The following ITGAD variants were observed in gnomAD, a reference collection of about 807,000 sequenced individuals.
ITGAD encodes the protein integrin subunit alpha D.
In ITGAD, 105 loss-of-function variants were observed where a neutral mutation model predicts 139.0. The ratio of observed to expected loss-of-function variants is 0.76; its 90% CI spans 0.65 to 0.89. The LOEUF is 0.89. ITGAD is among the 40% of genes least tolerant of loss of function. ITGAD has a pLI of 0.00. For synonymous variants in ITGAD, 569 were observed against 598.3 expected (o/e 0.95, Z 0.71); for missense variants, 1,384 against 1,487.3 (o/e 0.93, Z 1.14).
rs758976118 is a variant in ITGAD, at chr16:31,411,268, G to A, written c.1498-40G>A. The stretch of plus-strand genomic sequence containing the variant: ...GGTGGGGTCCGGTGTGAGTGGAGGC[G>A]TCACCTGGATTGGGGTCTGACACTG... On this transcript the variant is annotated intron_variant, in intron 13 of 29. Transcript: ENST00000389202. 61 of 1,607,530 alleles carry A rather than the reference G, an allele frequency of 3.8e-5. No homozygotes were observed. In the Admixed American group the frequency reaches 5.5e-4, roughly 15 times the overall value.
rs773732427 is a variant in ITGAD at position 31,393,440 on chromosome 16, G to A, written c.31+49G>A. On this transcript the variant is annotated intron_variant, in intron 1 of 29. Transcript: ENST00000389202. ...GAGAAGCTTGGAGGAGTTCTGAGGGGACTCCATCTGGGAGGGCAGGCTGGG... is the reference window on the plus strand; with the variant it reads ...GAGAAGCTTGGAGGAGTTCTGAGGGAACTCCATCTGGGAGGGCAGGCTGGG... 18 of 1,598,324 alleles carry A rather than the reference G, an allele frequency of 1.1e-5. No individual in the cohort carries two copies. The East Asian group carries it at 4.0e-4, about 36-fold the overall frequency.
intron 14 of ITGAD, among the ~76,000 whole-genome samples, chr16:31,412,250 G>A (rs930173490): frequency 6.6e-6 from 1 of 151,966 alleles, no homozygotes; most frequent in African/African-American, 2.4e-5. Flanking sequence ...CACCATGTTG[G>A]CCAGGCTGGT....
intron 10 of ITGAD, among the ~76,000 whole-genome samples, chr16:31,409,911 C>CAA (rs11447533): frequency 0.03 from 2,720 of 89,424 alleles, 82 homozygotes; most frequent in Non-Finnish European, 0.044. Context: ...CAGCCTGTCT[C>CAA]AAAAAAAAAA....
chr16:31,396,528 C>T (rs1435319715), intron 2 of ITGAD, among the ~76,000 whole-genome samples: 1 of 152,206 alleles, frequency 6.6e-6, no homozygotes, highest in Non-Finnish European at 1.5e-5. Flanking sequence ...TTTGTATCAG[C>T]AGGTTCCAAA....
At chr16:31,397,239 G>A in intron 2 of ITGAD, 120 bp from the exon 3 acceptor site, 1 of 679,732 alleles carries the variant, frequency 1.5e-6, no homozygotes, top group Non-Finnish European at 2.6e-6. Context: ...AGTGGCAAAT[G>A]CCAGGAATTT....
chr16:31,424,441 C>T (rs372276505), intron 28 of ITGAD, 26 bp from the exon 29 acceptor site: 16 of 1,579,998 alleles, frequency 1.0e-5, no homozygotes, highest in Non-Finnish European at 1.2e-5. Context: ...GGCATGAGGC[C>T]GGATGCTCTC....
rs556302421 is a variant in ITGAD, at chr16:31,410,354, C to T, written c.1084-41C>T. The T allele has an allele frequency of 4.5e-5, 72 of 1,612,800 alleles. 1 individual carries two copies. The highest frequency in any genetic ancestry group is 5.5e-5 in the Non-Finnish European group (65 of 1,179,298). ...GTGTCTCTGGGATATGCTGTCTTCCCGCTCTAGTCTCTGCCCAGCCCTGGA... is the reference window on the plus strand; with the variant it reads ...GTGTCTCTGGGATATGCTGTCTTCCTGCTCTAGTCTCTGCCCAGCCCTGGA... On this transcript the variant is annotated intron_variant, in intron 10 of 29. Coordinates refer to ENST00000389202, the MANE Select transcript of ITGAD (RefSeq NM_005353.3).
Position 31,423,580 on chromosome 16 carries a change from T to C in ITGAD, c.2977T>C (p.Cys993Arg), listed in dbSNP as rs1385260321. The C allele has an allele frequency of 4.3e-6, 7 of 1,613,890 alleles. No homozygotes were observed. Among genetic ancestry groups the C allele is most frequent in the Non-Finnish European group, 5.9e-6 (7 of 1,179,902 alleles). ...TTCTTTCTCTTCCCAGAGTCTCCCC[T>C]GTGTTTCAGAGAGAAAACCTCCCCA... ...VMEAPSQSLPCVSERKPPQHS... is the reference protein window; with the variant it reads ...VMEAPSQSLPRVSERKPPQHS... The change falls in exon 26 of 30, where the codon TGT becomes CGT. Residue 993 changes from cysteine to arginine, a missense_variant. Coordinates refer to ENST00000389202, the MANE Select transcript of ITGAD (RefSeq NM_005353.3).
intron 29 of ITGAD, among the ~76,000 whole-genome samples, chr16:31,425,610 C>G (rs1464752052): frequency 1.3e-5 from 2 of 152,006 alleles, no homozygotes; most frequent in African/African-American, 4.8e-5. Flanking sequence ...CTCTCAGCTT[C>G]CTCTTATTCC....
rs575378018 is a variant in ITGAD, at chr16:31,400,722, A to C, written c.428-1393A>C. The stretch of plus-strand genomic sequence containing the variant: ...CAGGTTCAAGTGATTCTCCTGCCTC[A>C]GCCCCCCAAATAGCTAGGATTACAG... On this transcript the variant is annotated intron_variant, in intron 5 of 29. Transcript: ENST00000389202. Among the ~76,000 whole-genome samples, 5 of 152,172 alleles carry C rather than the reference A, an allele frequency of 3.3e-5. No homozygotes were observed. In the East Asian group the frequency reaches 9.7e-4, roughly 29 times the overall value.
At chr16:31,414,738 G>A (rs1319188494) in intron 17 of ITGAD, 122 bp from the exon 18 acceptor site, 2 of 1,549,568 alleles carry the variant, frequency 1.3e-6, no homozygotes, top group Non-Finnish European at 1.8e-6. Flanking sequence ...TAGGGCAGGA[G>A]AACCTGGCTC....
At chr16:31,394,111 A>T (rs1441713878) in intron 1 of ITGAD, 125 bp from the exon 2 acceptor site, 48 of 560,638 alleles carry the variant, frequency 8.6e-5, no homozygotes, top group Non-Finnish European at 1.3e-4. Context: ...AGCCTCAGCA[A>T]CAGAGCGAGA....
chr16:31,420,800 G>A (rs2081992809), intron 23 of ITGAD, among the ~76,000 whole-genome samples: 2 of 152,032 alleles, frequency 1.3e-5, no homozygotes, highest in African/African-American at 2.4e-5. Flanking sequence ...TCTTGAACTC[G>A]TGACCTCAGG....
intron 19 of ITGAD, 25 bp downstream of exon 19, chr16:31,416,311 C>A: frequency 6.3e-7 from 1 of 1,580,744 alleles, no homozygotes; most frequent in Non-Finnish European, 8.6e-7. Context: ...CCTTCATATC[C>A]AGACACTCAG....
intron 23 of ITGAD, among the ~76,000 whole-genome samples, chr16:31,421,053 A>G (rs767685008): frequency 6.6e-6 from 1 of 152,170 alleles, no homozygotes; most frequent in Non-Finnish European, 1.5e-5. Flanking sequence ...CTGTTGTTTT[A>G]TGGTGGTTTT....
At chr16:31,394,146 A>AG (rs1419836854) in intron 1 of ITGAD, 90 bp from the exon 2 acceptor site, 522 of 757,596 alleles carry the variant, frequency 6.9e-4, no homozygotes, top group Non-Finnish European at 9.6e-4. Context: ...AAAAAAAAAA[A>AG]AAAAGAAAAA....
At chr16:31,420,856 G>A (rs532154585) in intron 23 of ITGAD, among the ~76,000 whole-genome samples, 3 of 152,154 alleles carry the variant, frequency 2.0e-5, no homozygotes, top group Non-Finnish European at 4.4e-5. Flanking sequence ...GGGATTACAG[G>A]CATGAGCCAC....
intron 26 of ITGAD, 85 bp downstream of exon 26, chr16:31,423,733 T>A: frequency 6.6e-7 from 1 of 1,521,296 alleles, no homozygotes; most frequent in Admixed American, 1.7e-5. Context: ...CAGAGTTCCG[T>A]GCATGTCCTG....
chr16:31,414,947 C>A lies in ITGAD; in HGVS notation c.2239C>A (p.Arg747Ser). The A allele has an allele frequency of 1.2e-6, 2 of 1,614,134 alleles. No individual in the cohort carries two copies. Among genetic ancestry groups the A allele is most frequent in the South Asian group, 1.1e-5 (1 of 91,074 alleles). ...REPIPSPQNL[R>S]PVLAVGSQDL... ...GCCCATCCCCTCCCCCCAGAACCTG[C>A]GTCCTGTGCTGGCCGTGGGCTCACA... Residue 747 changes from arginine (R) to serine (S), a missense_variant, in exon 18 of 30, where the codon CGT (arginine) becomes AGT (serine). By Grantham distance (110) the Arg-to-Ser change is moderately radical (BLOSUM62 -1). Coordinates refer to ENST00000389202, the MANE Select transcript of ITGAD (RefSeq NM_005353.3).
Sources: gnomAD v4.1 joint callset for allele counts (sites outside exome capture counted in the v4.1 genomes callset) on GRCh38, gnomAD v4.1.1 for gene constraint, MANE v1.5 for transcripts, NCBI Gene and HGNC (gene_info 2026-07-23, HGNC 2026-07-21) for gene names.